Variants in XRCC6 observed in about 807,000 individuals in gnomAD.
XRCC6 encodes X-ray repair cross complementing 6.
In XRCC6, 5 loss-of-function variants were observed where a neutral mutation model predicts 65.7. That is an observed-to-expected ratio of 0.08 (90% CI 0.04 to 0.16). The LOEUF (loss-of-function observed/expected upper bound fraction) is 0.16, where lower values mean the gene tolerates loss of function less well. XRCC6 is among the 10% of genes least tolerant of loss of function. The pLI is 1.00. For missense variants in XRCC6, 447 were observed against 738.1 expected (o/e 0.61, Z 4.57); for synonymous variants, 270 against 270.6 (o/e 1.00, Z 0.02).
intron 6 of XRCC6, among the ~76,000 whole-genome samples, chr22:41,641,754 A>G (rs980879363): frequency 6.6e-6 from 1 of 152,142 alleles, no homozygotes; most frequent in African/African-American, 2.4e-5. Flanking sequence ...ACAACATTGC[A>G]TAGTGAATGC....
At chr22:41,663,056 C>T (rs142866513) in intron 12 of XRCC6, among the ~76,000 whole-genome samples, 2,948 of 152,148 alleles carry the variant, frequency 0.019, 95 homozygotes, top group African/African-American at 0.067. Flanking sequence ...ACTCCAGCCT[C>T]GGTGATAGAG....
At chr22:41,623,397 C>CT (rs554951989) in intron 2 of XRCC6, among the ~76,000 whole-genome samples, 57 of 150,828 alleles carry the variant, frequency 3.8e-4, no homozygotes, top group South Asian at 2.7e-3. Context: ...ATTTCTTTTT[C>CT]TTTTTTTTTG....
chr22:41,641,571 G>T (rs908227371), intron 6 of XRCC6, among the ~76,000 whole-genome samples: 3 of 151,752 alleles, frequency 2.0e-5, no homozygotes, highest in African/African-American at 7.3e-5. Context: ...TCTATTTTTT[G>T]TACTCATTAA....
intron 3 of XRCC6, among the ~76,000 whole-genome samples, chr22:41,631,284 T>C (rs1303308203): frequency 6.7e-6 from 1 of 150,318 alleles, no homozygotes; most frequent in Non-Finnish European, 1.5e-5. Flanking sequence ...CCCACCTCCC[T>C]CCCGGACGGG....
At position 41,656,774 on chromosome 22, in the gene XRCC6, T is replaced by C. The variant is rs2068048492; in HGVS notation, c.1292-129T>C. ...TGATAACAAAAACCAGCTGGTGGAG[T>C]TCAAGAAATGGGGCCTACGGGGCCC... On this transcript the variant is annotated intron_variant, in intron 9 of 12. Transcript: ENST00000360079. The C allele has an allele frequency of 2.5e-6, 3 of 1,188,380 alleles. No homozygotes were observed. In the African/African-American group the frequency reaches 4.7e-5, roughly 18 times the overall value. 73.6% of individuals were successfully genotyped at this position (1,188,380 alleles called of 1,614,324 possible). A position where few individuals can be genotyped will look rare whatever the true frequency, so the allele number is the denominator to read the frequency against.
intron 3 of XRCC6, among the ~76,000 whole-genome samples, chr22:41,635,848 A>G (rs764550197): frequency 4.6e-5 from 7 of 152,092 alleles, no homozygotes; most frequent in Non-Finnish European, 1.0e-4. Flanking sequence ...CCTGGCCTGA[A>G]TATACGTATT....
chr22:41,621,914 A>G lies in XRCC6; in HGVS notation c.-15-76A>G, dbSNP rs768086855. 69 of 1,402,632 alleles carry G rather than the reference A, an allele frequency of 4.9e-5. No homozygotes were observed. In the Admixed American group the frequency reaches 6.2e-4, roughly 13 times the overall value. The allele number at this position is 1,402,632 out of a possible 1,614,324, so 86.9% of individuals were successfully genotyped here. On this transcript the variant is annotated intron_variant, in intron 1 of 12. Coordinates refer to ENST00000360079, the MANE Select transcript of XRCC6 (RefSeq NM_001469.5). Reference sequence around the variant, plus strand: ...ACTACTAACCAAGCTTTTAGAACAGATCTCACAAGAACCTAGAGGTCGGTA... The same window carrying G: ...ACTACTAACCAAGCTTTTAGAACAGGTCTCACAAGAACCTAGAGGTCGGTA...
At chr22:41,652,063 C>G (rs937611141) in intron 8 of XRCC6, among the ~76,000 whole-genome samples, 2 of 152,166 alleles carry the variant, frequency 1.3e-5, no homozygotes, top group African/African-American at 2.4e-5. Context: ...AGATTACAGG[C>G]GTGAGCCACC....
intron 3 of XRCC6, among the ~76,000 whole-genome samples, chr22:41,629,446 A>G (rs2067715745): frequency 6.6e-6 from 1 of 152,230 alleles, no homozygotes; most frequent in Admixed American, 6.5e-5. Flanking sequence ...GCCAGATACA[A>G]AAAGTCAAAT....
At chr22:41,651,201 C>T (rs1000442267) in intron 8 of XRCC6, among the ~76,000 whole-genome samples, 1 of 151,742 alleles carries the variant, frequency 6.6e-6, no homozygotes, top group Admixed American at 6.6e-5. Context: ...GGGAGGCTGA[C>T]GCATGAAAAT....
At chr22:41,641,478 C>G (rs1289397446) in intron 6 of XRCC6, among the ~76,000 whole-genome samples, 3 of 152,094 alleles carry the variant, frequency 2.0e-5, no homozygotes, top group Non-Finnish European at 4.4e-5. Context: ...TGATTATACT[C>G]CTTTAGTTAT....
At chr22:41,626,862 G>A (rs760231403) in intron 2 of XRCC6, among the ~76,000 whole-genome samples, 4 of 150,890 alleles carry the variant, frequency 2.7e-5, no homozygotes, top group South Asian at 2.1e-4. Context: ...GGATGGTCTC[G>A]ACCTCCTGAC....
intron 6 of XRCC6, among the ~76,000 whole-genome samples, chr22:41,642,332 G>T (rs967280044): frequency 3.9e-5 from 6 of 152,156 alleles, no homozygotes; most frequent in African/African-American, 1.2e-4. Context: ...GTTTTTTCCT[G>T]TAGAGTTGTT....
intron 2 of XRCC6, among the ~76,000 whole-genome samples, chr22:41,622,614 T>C (rs2067621678): frequency 6.6e-6 from 1 of 152,046 alleles, no homozygotes; most frequent in South Asian, 2.1e-4. Flanking sequence ...TTAATTTAAC[T>C]CCTGAGCAGA....
intron 3 of XRCC6, among the ~76,000 whole-genome samples, chr22:41,631,049 G>A (rs1203905033): frequency 4.0e-5 from 6 of 151,640 alleles, no homozygotes; most frequent in Non-Finnish European, 7.4e-5. Context: ...CCGGGCAGAG[G>A]CGCCCCTCAC....
chr22:41,653,962 C>G (rs1273776334), intron 9 of XRCC6, among the ~76,000 whole-genome samples: 1 of 152,150 alleles, frequency 6.6e-6, no homozygotes, highest in Non-Finnish European at 1.5e-5. Flanking sequence ...ATTACTGACA[C>G]AAGTTCTTGG....
intron 3 of XRCC6, among the ~76,000 whole-genome samples, chr22:41,633,648 T>C (rs2067780387): frequency 6.6e-6 from 1 of 152,190 alleles, no homozygotes; most frequent in African/African-American, 2.4e-5. Context: ...CCCAAAGTGC[T>C]GGGATTACAG....
At chr22:41,624,095 T>C (rs1004924674) in intron 2 of XRCC6, among the ~76,000 whole-genome samples, 1 of 151,796 alleles carries the variant, frequency 6.6e-6, no homozygotes, top group Non-Finnish European at 1.5e-5. Flanking sequence ...ATAAATATAC[T>C]GTAATTTGTC....
intron 3 of XRCC6, among the ~76,000 whole-genome samples, chr22:41,631,283 C>G (rs957428380): frequency 1.8e-4 from 27 of 151,590 alleles, no homozygotes; most frequent in Non-Finnish European, 3.1e-4. Flanking sequence ...CCCCACCTCC[C>G]TCCCGGACGG....
Sources: gnomAD v4.1 joint callset for allele counts (sites outside exome capture counted in the v4.1 genomes callset) on GRCh38, gnomAD v4.1.1 for gene constraint, MANE v1.5 for transcripts, NCBI Gene and HGNC (gene_info 2026-07-23, HGNC 2026-07-21) for gene names.